The following PLS1 variants were observed in gnomAD, a reference collection of about 807,000 sequenced individuals.
The protein encoded by PLS1 is plastin-1.
A neutral mutation model predicts 73.7 loss-of-function variants in PLS1; 32 were observed. The ratio of observed to expected loss-of-function variants is 0.43; its 90% confidence interval spans 0.33 to 0.58. The LOEUF (loss-of-function observed/expected upper bound fraction) is 0.58. Ranked by LOEUF, PLS1 falls within the 20% of genes least tolerant of loss-of-function variation. The pLI, the probability that PLS1 is intolerant of heterozygous loss-of-function variation, is 0.04. For missense variants in PLS1, 633 were observed against 740.5 expected, an observed-to-expected ratio of 0.85 and a Z score of 1.68; for synonymous variants, 217 against 261.3, an observed-to-expected ratio of 0.83 and a Z score of 1.63.
intron 1 of PLS1, among the ~76,000 whole-genome samples, chr3:142,605,062 C>T (rs1001857675): frequency 6.6e-6 from 1 of 152,086 alleles, no homozygotes; most frequent in African/African-American, 2.4e-5. Context: ...AACCAGTTGG[C>T]CTATGATCAG....
At chr3:142,632,799 ATG>A (rs1413201528) in intron 1 of PLS1, among the ~76,000 whole-genome samples, 13 of 152,266 alleles carry the variant, frequency 8.5e-5, no homozygotes, top group Admixed American at 2.0e-4. Flanking sequence ...GGGTTTTACC[ATG>A]TTGGCCGGGC....
At chr3:142,699,516 C>T (rs2038282153) in intron 12 of PLS1, among the ~76,000 whole-genome samples, 1 of 152,010 alleles carries the variant, frequency 6.6e-6, no homozygotes, top group African/African-American at 2.4e-5. Context: ...TGCAGAAAAC[C>T]ACCATGACAC....
intron 4 of PLS1, among the ~76,000 whole-genome samples, chr3:142,675,098 C>G (rs1305489449): frequency 6.6e-6 from 1 of 152,114 alleles, no homozygotes; most frequent in Non-Finnish European, 1.5e-5. Context: ...TTGAATAACT[C>G]TTGACTGAAT....
At chr3:142,600,891 TATATATATATATATATA>T (rs2035902590) in intron 1 of PLS1, among the ~76,000 whole-genome samples, 2 of 22,084 alleles carry the variant, frequency 9.1e-5, no homozygotes, top group Non-Finnish European at 7.7e-5. Flanking sequence ...TATATATATA[TATATATATATATATATA>T]TATATATATT....
At chr3:142,600,790 GGA>G (rs753990506) in intron 1 of PLS1, among the ~76,000 whole-genome samples, 2 of 143,738 alleles carry the variant, frequency 1.4e-5, no homozygotes, top group Admixed American at 7.2e-5. Flanking sequence ...AAAATGTCAA[GGA>G]GAGAGAGAGC....
chr3:142,698,839 G>GA (rs775691532), intron 12 of PLS1, among the ~76,000 whole-genome samples: 1 of 152,042 alleles, frequency 6.6e-6, no homozygotes, highest in Non-Finnish European at 1.5e-5. Context: ...CTATCCTGAT[G>GA]AAAAAATCAG....
At chr3:142,625,247 A>ATT (rs57582969) in intron 1 of PLS1, among the ~76,000 whole-genome samples, 2 of 151,806 alleles carry the variant, frequency 1.3e-5, no homozygotes, top group African/African-American at 4.8e-5. Flanking sequence ...CTGACTGCCT[A>ATT]TTTTTTCTTC....
At chr3:142,634,034 G>A (rs1305082329) in intron 1 of PLS1, among the ~76,000 whole-genome samples, 1 of 152,166 alleles carries the variant, frequency 6.6e-6, no homozygotes, top group African/African-American at 2.4e-5. Context: ...CAGCACTTGA[G>A]ATGAAAATAC....
chr3:142,651,287 C>T (rs542441423), intron 1 of PLS1, among the ~76,000 whole-genome samples: 1 of 151,876 alleles, frequency 6.6e-6, no homozygotes, highest in East Asian at 1.9e-4. Flanking sequence ...TGATGAAACC[C>T]CGTCTCTACT....
intron 11 of PLS1, among the ~76,000 whole-genome samples, chr3:142,696,309 G>T (rs2038200501): frequency 6.6e-6 from 1 of 152,182 alleles, no homozygotes; most frequent in South Asian, 2.1e-4. Context: ...GATATCTGAA[G>T]AATATCTTTA....
At chr3:142,678,686 G>A (rs1362363968) in intron 6 of PLS1, among the ~76,000 whole-genome samples, 4 of 150,838 alleles carry the variant, frequency 2.7e-5, no homozygotes, top group Non-Finnish European at 5.9e-5. Context: ...TGGACATTTG[G>A]GTTGGTTCCA....
At chr3:142,668,589 C>T (rs2037527420) in intron 2 of PLS1, among the ~76,000 whole-genome samples, 2 of 151,002 alleles carry the variant, frequency 1.3e-5, no homozygotes, top group African/African-American at 4.9e-5. Flanking sequence ...CTATCTGTGA[C>T]TTCCCCATGC....
intron 1 of PLS1, chr3:142,656,897 A>T (rs899752489): frequency 4.6e-5 from 7 of 152,244 alleles, no homozygotes; most frequent in African/African-American, 1.7e-4. Context: ...GATCTCAGTC[A>T]ATTCTCCATA....
At chr3:142,631,819 T>C (rs2036572020) in intron 1 of PLS1, among the ~76,000 whole-genome samples, 1 of 152,124 alleles carries the variant, frequency 6.6e-6, no homozygotes, top group African/African-American at 2.4e-5. Context: ...CAATGATTTC[T>C]TGGATATGGC....
At chr3:142,620,792 G>T (rs865817203) in intron 1 of PLS1, among the ~76,000 whole-genome samples, 3 of 152,164 alleles carry the variant, frequency 2.0e-5, no homozygotes, top group Admixed American at 6.5e-5. Flanking sequence ...GCCAAGGCGG[G>T]CAGATCACTT....
rs78377482 is a variant in PLS1 at position 142,642,685 on chromosome 3, T to G, written c.-36-21517T>G. ...CTGAGCAAAACAATGGTATTAATAT[T>G]TCATTGTTATTTTAATTTTCATTTA... is the stretch of plus-strand genomic sequence containing the variant. On this transcript the variant is annotated intron_variant, in intron 1 of 15. Coordinates refer to ENST00000457734, the MANE Select transcript of PLS1 (RefSeq NM_001145319.2). Among the ~76,000 whole-genome samples the G allele has an allele frequency of 7.6e-3, 1,156 of 152,284 alleles. 18 individuals are homozygous for G. The highest frequency in any genetic ancestry group is 0.027 in the African/African-American group (1,112 of 41,548).
intron 12 of PLS1, among the ~76,000 whole-genome samples, chr3:142,701,714 C>G (rs947998553): frequency 2.6e-5 from 4 of 152,144 alleles, no homozygotes; most frequent in Admixed American, 2.0e-4. Context: ...TACTAGCAAC[C>G]CTGAACTCCT....
chr3:142,610,193 C>T (rs972937165), intron 1 of PLS1, among the ~76,000 whole-genome samples: 2 of 152,072 alleles, frequency 1.3e-5, no homozygotes, highest in African/African-American at 2.4e-5. Flanking sequence ...ATATGAATTA[C>T]GTTAATTTAG....
At chr3:142,625,416 G>A (rs990185767) in intron 1 of PLS1, among the ~76,000 whole-genome samples, 17 of 151,802 alleles carry the variant, frequency 1.1e-4, no homozygotes, top group Admixed American at 7.2e-4. Flanking sequence ...CTCAGTTCTC[G>A]GTATTACAGG....
Sources: gnomAD v4.1 joint callset for allele counts (sites outside exome capture counted in the v4.1 genomes callset) on GRCh38, gnomAD v4.1.1 for gene constraint, MANE v1.5 for transcripts, NCBI Gene and HGNC (gene_info 2026-07-23, HGNC 2026-07-21) for gene names.